The following WASHC5 variants were observed in gnomAD, a reference collection of about 807,000 sequenced individuals.
WASHC5 encodes the protein WASH complex subunit strumpellin.
Under a neutral mutation model 150.4 loss-of-function variants are expected in WASHC5, and 101 were observed. That is an observed-to-expected ratio of 0.67 (90% CI 0.57 to 0.79). WASHC5 has a LOEUF of 0.79. WASHC5 is among the 30% of genes least tolerant of loss of function. WASHC5 has a pLI of 0.00. For missense variants in WASHC5, 1,195 were observed against 1,396.3 expected, an observed-to-expected ratio of 0.86 and a Z score of 2.30; for synonymous variants, 467 against 491.2, an observed-to-expected ratio of 0.95 and a Z score of 0.65.
chr8:125,079,116 G>GTGTGTATATATATATATA (rs370503575), intron 5 of WASHC5, among the ~76,000 whole-genome samples, 186 bp from the exon 6 acceptor site: 3 of 97,912 alleles, frequency 3.1e-5, no homozygotes, highest in African/African-American at 1.4e-4. Flanking sequence ...GTGTGTGTGT[G>GTGTGTATATATATATATA]TATATATATA....
chr8:125,037,129 A>C, intron 26 of WASHC5, 108 bp downstream of exon 26: 1 of 724,816 alleles, frequency 1.4e-6, no homozygotes, highest in Non-Finnish European at 2.5e-6. Context: ...AAATTTAACT[A>C]AGAAAAGATC....
chr8:125,050,099 T>C (rs1449161181), intron 18 of WASHC5, among the ~76,000 whole-genome samples: 1 of 152,120 alleles, frequency 6.6e-6, no homozygotes, highest in Non-Finnish European at 1.5e-5. Flanking sequence ...TTAAATTGAA[T>C]TTACTATGAT....
intron 14 of WASHC5, 82 bp from the exon 15 acceptor site, chr8:125,057,748 A>G: frequency 1.1e-6 from 1 of 893,716 alleles, no homozygotes; most frequent in Non-Finnish European, 1.8e-6. Flanking sequence ...GTAACATACA[A>G]CAAAACATTT....
Position 125,050,612 on chromosome 8 carries a change from G to A in WASHC5, c.2151C>T (p.Arg717=), listed in dbSNP as rs766145087. The part of the protein sequence containing the change: ...EDGIRKELVK[R]VAFALHRGLI... ...GTCCCCTATGCAGGGCAAAGGCAAC[G>A]CGCTTCACAAGCTCTTTCCTTATTC... is the stretch of plus-strand genomic sequence containing the variant. Residue 717 remains arginine, a synonymous_variant, in exon 18 of 29, where the codon CGC becomes CGT. Transcript: ENST00000318410. The A allele has an allele frequency of 2.2e-5, 36 of 1,614,014 alleles. No individual in the cohort carries two copies. The highest frequency in any genetic ancestry group is 9.3e-5 in the African/African-American group (7 of 74,908).
At chr8:125,089,976 A>G (rs1817551260) in intron 1 of WASHC5, among the ~76,000 whole-genome samples, 1 of 152,244 alleles carries the variant, frequency 6.6e-6, no homozygotes, top group Non-Finnish European at 1.5e-5. Context: ...TATTTAATAT[A>G]CTTTTACTGA....
intron 17 of WASHC5, among the ~76,000 whole-genome samples, chr8:125,054,077 A>C (rs1210059644): frequency 1.3e-5 from 2 of 152,170 alleles, no homozygotes; most frequent in Non-Finnish European, 2.9e-5. Context: ...CGGCCACTTG[A>C]AAAGAATGTA....
In WASHC5 at chr8:125,078,762, C is replaced by G; in HGVS notation, c.687G>C (p.Leu229=). ...CCTGGTTGTAAATATCATCAGATCT[C>G]AGTCGACCAATGACCATACTGATGA... ...ESFISMVIGR[L]RSDDIYNQVS... The change falls in exon 6 of 29, where the codon CTG becomes CTC. Residue 229 remains leucine (L), a synonymous_variant. Transcript: ENST00000318410. 1 of 1,613,794 alleles carries G rather than the reference C, an allele frequency of 6.2e-7. No individual in the cohort carries two copies. Among genetic ancestry groups the G allele is most frequent in the Non-Finnish European group, 8.5e-7 (1 of 1,179,738 alleles).
At chr8:125,063,738 T>A in intron 10 of WASHC5, 87 bp from the exon 11 acceptor site, 1 of 1,170,416 alleles carries the variant, frequency 8.5e-7, no homozygotes, top group Non-Finnish European at 1.2e-6. Context: ...AAACCCAATT[T>A]AAATTTTAAA....
chr8:125,084,037 A>C lies in WASHC5; in HGVS notation c.-124-15T>G. Reference sequence around the variant, plus strand: ...CATTAAAGAACCTGTATCCCCAAAAAAAGTGTGAAAATCTCAATTTGTTTA... The same window carrying C: ...CATTAAAGAACCTGTATCCCCAAAACAAGTGTGAAAATCTCAATTTGTTTA... On this transcript the variant is annotated splice_polypyrimidine_tract_variant and intron_variant, in intron 1 of 28. Transcript: ENST00000318410. The C allele has an allele frequency of 1.3e-6, 1 of 784,408 alleles. No homozygotes were observed. Among genetic ancestry groups the C allele is most frequent in the East Asian group, 2.7e-5 (1 of 37,158 alleles). The allele number at this position is 784,408 out of a possible 1,614,324, so 48.6% of individuals were successfully genotyped here. A position where few individuals can be genotyped will look rare whatever the true frequency, so the allele number is the denominator to read the frequency against.
intron 9 of WASHC5, among the ~76,000 whole-genome samples, chr8:125,072,065 G>C (rs1816911912): frequency 6.6e-6 from 1 of 152,046 alleles, no homozygotes; most frequent in Non-Finnish European, 1.5e-5. Context: ...TACAGGCTGG[G>C]CATGGTGGCT....
intron 10 of WASHC5, among the ~76,000 whole-genome samples, chr8:125,065,773 C>T (rs1409224911): frequency 6.6e-6 from 1 of 152,046 alleles, no homozygotes; most frequent in Non-Finnish European, 1.5e-5. Flanking sequence ...CGCGCCACTG[C>T]ACCCAGCTAA....
At chr8:125,051,345 A>T (rs191058349) in intron 17 of WASHC5, among the ~76,000 whole-genome samples, 18 of 152,350 alleles carry the variant, frequency 1.2e-4, no homozygotes, top group African/African-American at 4.1e-4. Context: ...ATTCTCTGAG[A>T]CTTGTTTCTT....
chr8:125,067,539 T>C lies in WASHC5; in HGVS notation c.1278+53A>G, dbSNP rs866597096. ...TCCTAGTCTTTTTTTTAAAAAATAT[T>C]TTTAAGCATAAAAAAGCTAAGACTG... is the stretch of plus-strand genomic sequence containing the variant. On this transcript the variant is annotated intron_variant, in intron 10 of 28. Coordinates refer to ENST00000318410, the MANE Select transcript of WASHC5 (RefSeq NM_014846.4). 152 of 1,470,096 alleles carry C rather than the reference T, an allele frequency of 1.0e-4. 1 individual carries two copies. Among genetic ancestry groups the C allele is most frequent in the South Asian group, 9.2e-4 (80 of 87,164 alleles). The allele number at this position is 1,470,096 out of a possible 1,614,324, so 91.1% of individuals were successfully genotyped here.
At chr8:125,059,151 A>G in intron 14 of WASHC5, 71 bp downstream of exon 14, 1 of 1,085,890 alleles carries the variant, frequency 9.2e-7, no homozygotes, top group South Asian at 1.3e-5. Flanking sequence ...CCTGGGCTGA[A>G]TTAATGAATG....
At chr8:125,025,197 A>C (rs1179921992) in intron 28 of WASHC5, among the ~76,000 whole-genome samples, 1 of 152,248 alleles carries the variant, frequency 6.6e-6, no homozygotes, top group African/African-American at 2.4e-5. Flanking sequence ...AGTTGGGTAG[A>C]ATGTAGAGGT....
chr8:125,041,775 C>A (rs1167291542), intron 23 of WASHC5, among the ~76,000 whole-genome samples: 1 of 152,160 alleles, frequency 6.6e-6, no homozygotes, highest in Non-Finnish European at 1.5e-5. Flanking sequence ...AAGACTATTA[C>A]TCTATTTATG....
chr8:125,043,898 G>T lies in WASHC5; in HGVS notation c.2777C>A (p.Ser926Ter). 6.2e-7 allele frequency: 1 copy of T among 1,611,810 alleles called. No homozygotes were observed. Among genetic ancestry groups the T allele is most frequent in the Non-Finnish European group, 8.5e-7 (1 of 1,177,986 alleles). The part of the protein sequence containing the change: ...VSPLKSIVAN[S>*]NKIYFSAIAK... ...AATGGCGGAAAAATAAATTTTATTT[G>T]AATTTGCTGAAAAGTTAAAACATAA... The change falls in exon 23 of 29, where the codon TCA becomes TAA. Residue 926 changes from serine to a stop codon, truncating the protein, a stop_gained. Transcript: ENST00000318410. LOFTEE classifies it high-confidence loss of function.
chr8:125,028,134 T>C (rs1399023174), intron 28 of WASHC5, among the ~76,000 whole-genome samples: 2 of 152,144 alleles, frequency 1.3e-5, no homozygotes, highest in African/African-American at 4.8e-5. Flanking sequence ...TTTAACAAAG[T>C]GGAATTACTA....
intron 5 of WASHC5, 53 bp downstream of exon 5, chr8:125,081,608 C>T: frequency 4.1e-6 from 4 of 976,566 alleles, no homozygotes; most frequent in Non-Finnish European, 6.6e-6. Context: ...GGGACATACA[C>T]TGCATTTTAC....
Sources: gnomAD v4.1 joint callset for allele counts (sites outside exome capture counted in the v4.1 genomes callset) on GRCh38, gnomAD v4.1.1 for gene constraint, MANE v1.5 for transcripts, NCBI Gene and HGNC (gene_info 2026-07-23, HGNC 2026-07-21) for gene names.